FAM53A: variants seen among roughly 807,000 people sequenced by gnomAD.
FAM53A encodes family with sequence similarity 53 member A.
Under a neutral mutation model 26.6 loss-of-function variants are expected in FAM53A, and 28 were observed. The observed-to-expected ratio is 1.05, with a 90% CI of 0.78 to 1.45. FAM53A has a LOEUF of 1.45. FAM53A is among the 40% of genes most tolerant of loss of function. FAM53A has a pLI of 0.00. For missense variants in FAM53A, 650 were observed against 575.8 expected, an observed-to-expected ratio of 1.13 and a Z score of -1.32; for synonymous variants, 290 against 253.1, an observed-to-expected ratio of 1.15 and a Z score of -1.38.
chr4:1,617,371 G>T (rs537561168), downstream of FAM53A, among the ~76,000 whole-genome samples: 1 of 152,094 alleles, frequency 6.6e-6, no homozygotes, highest in Non-Finnish European at 1.5e-5. Context: ...TTACTTATAC[G>T]TGGCTCATGA....
chr4:1,670,513 G>A (rs1714563146), intron 1 of FAM53A, among the ~76,000 whole-genome samples: 2 of 152,348 alleles, frequency 1.3e-5, no homozygotes, highest in South Asian at 4.1e-4. Context: ...ACCCACCCAT[G>A]GGGCTGTTCC....
the FAM53A span, among the ~76,000 whole-genome samples, chr4:1,602,109 G>A: frequency 6.6e-6 from 1 of 152,226 alleles, no homozygotes; most frequent in Non-Finnish European, 1.5e-5. Context: ...GGTGGTGCCG[G>A]CGGCTACACC....
At chr4:1,633,247 C>T (rs1001241391) in intron 1 of FAM53A, among the ~76,000 whole-genome samples, 1 of 152,218 alleles carries the variant, frequency 6.6e-6, no homozygotes, top group African/African-American at 2.4e-5. Context: ...TTATTTAAAC[C>T]ATAATTTACA....
At chr4:1,632,147 C>T (rs1182851213) in intron 1 of FAM53A, among the ~76,000 whole-genome samples, 1 of 122,910 alleles carries the variant, frequency 8.1e-6, no homozygotes, top group East Asian at 2.2e-4. Flanking sequence ...CTGGGTGACA[C>T]AGTAAGATTC....
intron 1 of FAM53A, among the ~76,000 whole-genome samples, chr4:1,628,048 T>TG (rs1295551807): frequency 6.6e-5 from 1 of 15,158 alleles, no homozygotes; most frequent in Non-Finnish European, 1.2e-4. Context: ...GGGGGGAGGG[T>TG]GCACCTCAGG....
the FAM53A span, among the ~76,000 whole-genome samples, chr4:1,612,478 T>TGC: frequency 2.6e-5 from 4 of 152,062 alleles, no homozygotes; most frequent in African/African-American, 9.7e-5. Context: ...CACGAAGGCA[T>TGC]GCGCGCACAC....
chr4:1,612,525 C>T, the FAM53A span, among the ~76,000 whole-genome samples: 1 of 152,154 alleles, frequency 6.6e-6, no homozygotes, highest in Non-Finnish European at 1.5e-5. Context: ...TGCATAGGCA[C>T]ACATGTACAC....
chr4:1,629,881 C>T (rs1176752646), intron 1 of FAM53A, among the ~76,000 whole-genome samples: 2 of 152,128 alleles, frequency 1.3e-5, no homozygotes, highest in Non-Finnish European at 2.9e-5. Flanking sequence ...CCACCACACA[C>T]GGCCTCGCTG....
intron 1 of FAM53A, 117 bp downstream of exon 1, chr4:1,684,116 C>G (rs1715645917): frequency 6.6e-6 from 1 of 151,992 alleles, no homozygotes; most frequent in Non-Finnish European, 1.5e-5. Flanking sequence ...GCCCCGCGCC[C>G]ACGACCGCCC....
chr4:1,604,842 G>A, the FAM53A span, among the ~76,000 whole-genome samples: 6 of 151,954 alleles, frequency 3.9e-5, no homozygotes, highest in South Asian at 4.1e-4. Context: ...CCCACCCTGC[G>A]GCGGCTCCCC....
the FAM53A span, among the ~76,000 whole-genome samples, chr4:1,611,067 G>T: frequency 6.6e-6 from 1 of 152,212 alleles, no homozygotes; most frequent in African/African-American, 2.4e-5. Flanking sequence ...AGATCCTCAG[G>T]GCCCTAGCTG....
chr4:1,678,782 A>T (rs1715209509), intron 1 of FAM53A, among the ~76,000 whole-genome samples: 1 of 151,984 alleles, frequency 6.6e-6, no homozygotes. Flanking sequence ...AGATCACACC[A>T]CTGCACTACA....
At chr4:1,588,909 T>C in the FAM53A span, among the ~76,000 whole-genome samples, 2 of 152,254 alleles carry the variant, frequency 1.3e-5, no homozygotes, top group East Asian at 3.8e-4. Context: ...TGTTGGGCTT[T>C]GTGTGTAGGT....
At chr4:1,631,733 A>G (rs1715621492) in intron 1 of FAM53A, among the ~76,000 whole-genome samples, 1 of 152,228 alleles carries the variant, frequency 6.6e-6, no homozygotes, top group African/African-American at 2.4e-5. Flanking sequence ...CGTGGAATAA[A>G]CACACAGAAA....
downstream of FAM53A, among the ~76,000 whole-genome samples, chr4:1,636,052 G>A (rs1333645631): frequency 6.6e-6 from 1 of 151,772 alleles, no homozygotes; most frequent in Non-Finnish European, 1.5e-5. Context: ...TTTCACCTTG[G>A]TAGCCAGGAT....
intron 1 of FAM53A, among the ~76,000 whole-genome samples, chr4:1,632,769 G>A (rs62286247): frequency 0.2 from 30,279 of 152,140 alleles, 3,576 homozygotes; most frequent in South Asian, 0.28. Flanking sequence ...GTGCTCACAC[G>A]TGTGCATATT....
In FAM53A at chr4:1,660,832, G is replaced by A. The variant is rs141364851; in HGVS notation, c.76-3364C>T. Among the ~76,000 whole-genome samples, 905 of 151,094 alleles carry A rather than the reference G, an allele frequency of 6.0e-3. 10 individuals are homozygous for A. Among genetic ancestry groups the A allele is most frequent in the African/African-American group, 0.021 (854 of 41,088 alleles). ...TGAGGCAGAGCTTGCAGTGAGCGGA[G>A]ATCACGCCTCTGCACTCCAGCCTGG... On this transcript the variant is annotated intron_variant, in intron 2 of 4. Transcript: ENST00000308132.
intron 1 of FAM53A, among the ~76,000 whole-genome samples, chr4:1,677,945 A>C (rs770793619): frequency 3.3e-5 from 5 of 152,168 alleles, no homozygotes; most frequent in Non-Finnish European, 5.9e-5. Context: ...ACTCCATCTC[A>C]AAAAATAAAT....
the FAM53A span, among the ~76,000 whole-genome samples, chr4:1,581,678 C>T: frequency 1.3e-5 from 2 of 152,208 alleles, no homozygotes; most frequent in African/African-American, 2.4e-5. Context: ...CTCACTGCGA[C>T]CTCTGCCTCT....
Sources: gnomAD v4.1 joint callset for allele counts (sites outside exome capture counted in the v4.1 genomes callset) on GRCh38, gnomAD v4.1.1 for gene constraint, MANE v1.5 for transcripts, NCBI Gene and HGNC (gene_info 2026-07-23, HGNC 2026-07-21) for gene names.